Variants in CSMD1 observed in about 807,000 individuals in gnomAD.
The protein encoded by CSMD1 is CUB and sushi domain-containing protein 1.
In CSMD1, 213 loss-of-function variants were observed where a neutral mutation model predicts 417.5. The ratio of observed to expected loss-of-function variants is 0.51; its 90% confidence interval spans 0.46 to 0.57. The LOEUF (loss-of-function observed/expected upper bound fraction) is 0.57. CSMD1 is among the 20% of genes least tolerant of loss of function. CSMD1 has a pLI of 0.00. For missense variants in CSMD1, 6,923 were observed against 4,529.7 expected, an observed-to-expected ratio of 1.53 and a Z score of -15.17; for synonymous variants, 2,862 against 1,736.8, an observed-to-expected ratio of 1.65 and a Z score of -16.11.
chr8:3,894,991 T>C (rs932784734), intron 5 of CSMD1, among the ~76,000 whole-genome samples: 2 of 152,202 alleles, frequency 1.3e-5, no homozygotes, highest in African/African-American at 2.4e-5. Flanking sequence ...GAATCTCCCA[T>C]TTGGTATGAA....
chr8:4,077,295 G>GTACATATATATATATA (rs1253192594), intron 3 of CSMD1, among the ~76,000 whole-genome samples: 6 of 88,908 alleles, frequency 6.7e-5, no homozygotes, highest in African/African-American at 2.6e-4. Flanking sequence ...ATATATATAT[G>GTACATATATATATATA]TGTATATATA....
chr8:3,022,556 T>G (rs180822115), intron 51 of CSMD1, among the ~76,000 whole-genome samples: 1 of 152,204 alleles, frequency 6.6e-6, no homozygotes, highest in Non-Finnish European at 1.5e-5. Context: ...AAAACACTTG[T>G]ATTGTGACAT....
intron 26 of CSMD1, among the ~76,000 whole-genome samples, chr8:3,258,742 C>T (rs538021419): frequency 8.6e-4 from 131 of 152,240 alleles, no homozygotes; most frequent in South Asian, 2.9e-3. Context: ...ACATATACAC[C>T]ATGGAATACT....
intron 5 of CSMD1, among the ~76,000 whole-genome samples, chr8:3,970,419 G>C (rs994479110): frequency 2.0e-5 from 3 of 152,140 alleles, no homozygotes; most frequent in African/African-American, 7.2e-5. Flanking sequence ...GAACAATATG[G>C]ATTTTATTAC....
intron 50 of CSMD1, among the ~76,000 whole-genome samples, chr8:3,037,294 C>T (rs1402208354): frequency 2.1e-5 from 2 of 95,622 alleles, no homozygotes; most frequent in African/African-American, 6.4e-5. Context: ...CAAGCTCCGC[C>T]TCCTGGGTTC....
chr8:4,589,496 A>G (rs906054255), intron 2 of CSMD1, among the ~76,000 whole-genome samples: 4 of 152,238 alleles, frequency 2.6e-5, no homozygotes, highest in African/African-American at 9.6e-5. Context: ...TGCCTGCGAG[A>G]CAACAGTGAA....
chr8:3,993,573 G>A (rs932797569), intron 5 of CSMD1, among the ~76,000 whole-genome samples: 2 of 152,090 alleles, frequency 1.3e-5, no homozygotes, highest in Non-Finnish European at 2.9e-5. Flanking sequence ...ATAAACTAAG[G>A]TTACAAAACT....
chr8:4,081,661 C>A (rs1800140882), intron 3 of CSMD1, among the ~76,000 whole-genome samples: 1 of 152,152 alleles, frequency 6.6e-6, no homozygotes, highest in South Asian at 2.1e-4. Context: ...CTATGCTACA[C>A]AATGCAACAA....
intron 7 of CSMD1, among the ~76,000 whole-genome samples, chr8:3,674,620 T>C (rs974818009): frequency 2.6e-5 from 4 of 152,258 alleles, no homozygotes; most frequent in East Asian, 1.9e-4. Context: ...GATATTAATA[T>C]CCTTATTTTA....
At chr8:4,043,826 C>G (rs545333774) in intron 3 of CSMD1, among the ~76,000 whole-genome samples, 5 of 152,142 alleles carry the variant, frequency 3.3e-5, no homozygotes, top group South Asian at 2.1e-4. Context: ...AATGAGGCAT[C>G]ATTATTCCAA....
At chr8:3,738,241 A>T (rs1391265614) in intron 6 of CSMD1, among the ~76,000 whole-genome samples, 1 of 152,212 alleles carries the variant, frequency 6.6e-6, no homozygotes, top group African/African-American at 2.4e-5. Context: ...CTTAAAAAGC[A>T]AGAGAGCCCT....
rs554981704 is a variant in CSMD1, at chr8:4,209,305, C to A, written c.416-177206G>T. Among the ~76,000 whole-genome samples the A allele has an allele frequency of 2.5e-4, 38 of 152,254 alleles. 1 individual carries two copies. The highest frequency in any genetic ancestry group is 6.5e-4 in the Admixed American group (10 of 15,300). ...TTTCACAGCTTGCTCTTCAGTGGTT[C>A]CCATCTATGAGACATCTTCCCTCAA... On this transcript the variant is annotated intron_variant, in intron 3 of 69. Transcript: ENST00000635120.
chr8:4,059,116 C>G (rs544810234), intron 3 of CSMD1, among the ~76,000 whole-genome samples: 1 of 152,258 alleles, frequency 6.6e-6, no homozygotes, highest in African/African-American at 2.4e-5. Context: ...TGCAATCAAA[C>G]TAGAACTCAG....
At chr8:4,108,955 T>A (rs1428336612) in intron 3 of CSMD1, among the ~76,000 whole-genome samples, 3 of 152,216 alleles carry the variant, frequency 2.0e-5, no homozygotes, top group African/African-American at 7.2e-5. Flanking sequence ...TCCATTTATG[T>A]ATAATTTAGA....
chr8:3,448,969 C>A (rs752097223), intron 12 of CSMD1, among the ~76,000 whole-genome samples: 1 of 152,150 alleles, frequency 6.6e-6, no homozygotes, highest in Non-Finnish European at 1.5e-5. Flanking sequence ...CAGCCAATCG[C>A]AATGGATGTA....
chr8:4,408,237 G>T (rs979805741), intron 3 of CSMD1, among the ~76,000 whole-genome samples: 1 of 152,118 alleles, frequency 6.6e-6, no homozygotes, highest in Non-Finnish European at 1.5e-5. Context: ...CCTTATTGGT[G>T]GTGTTTCTCT....
chr8:3,180,370 C>T (rs933172614), intron 37 of CSMD1, among the ~76,000 whole-genome samples: 1 of 152,146 alleles, frequency 6.6e-6, no homozygotes, highest in Admixed American at 6.5e-5. Flanking sequence ...GCTCTCTACT[C>T]GTTCTTATTT....
intron 5 of CSMD1, among the ~76,000 whole-genome samples, chr8:3,876,605 T>C (rs977678412): frequency 6.6e-6 from 1 of 152,148 alleles, no homozygotes; most frequent in African/African-American, 2.4e-5. Flanking sequence ...CATGGTATTG[T>C]TTTTGTTTGT....
intron 30 of CSMD1, among the ~76,000 whole-genome samples, chr8:3,208,020 G>A (rs751649320): frequency 4.6e-5 from 7 of 152,030 alleles, no homozygotes; most frequent in Non-Finnish European, 8.8e-5. Flanking sequence ...AGTCAACCAG[G>A]TTATGTCAGA....
Sources: gnomAD v4.1 joint callset for allele counts (sites outside exome capture counted in the v4.1 genomes callset) on GRCh38, gnomAD v4.1.1 for gene constraint, MANE v1.5 for transcripts, NCBI Gene and HGNC (gene_info 2026-07-23, HGNC 2026-07-21) for gene names.